The following ENPP1 variants were observed in gnomAD, a reference collection of about 807,000 sequenced individuals.
ENPP1 encodes the protein ectonucleotide pyrophosphatase/phosphodiesterase family member 1.
ENPP1 carries 73 observed loss-of-function variants against 122.8 expected under a neutral mutation model. The observed-to-expected ratio is 0.59, with a 90% CI of 0.49 to 0.72. The LOEUF (loss-of-function observed/expected upper bound fraction) is 0.72. Among genes scored for constraint, ENPP1 ranks in the 30% least tolerant of loss-of-function variants. The pLI is 0.00. For synonymous variants in ENPP1, 367 were observed against 391.6 expected, an observed-to-expected ratio of 0.94 and a Z score of 0.74; for missense variants, 978 against 1,128.1, an observed-to-expected ratio of 0.87 and a Z score of 1.91.
intron 18 of ENPP1, 28 bp downstream of exon 18, chr6:131,877,189 G>C (rs755930022): frequency 9.3e-6 from 15 of 1,607,290 alleles, no homozygotes; most frequent in African/African-American, 1.3e-5. Context: ...GTTTGGTCCA[G>C]TATGTATGGT....
At chr6:131,886,926 C>CTTTTTTTTTTTTTTTTTTTTTTTTTTTT (rs60409660) in intron 24 of ENPP1, among the ~76,000 whole-genome samples, 1 of 110,638 alleles carries the variant, frequency 9.0e-6, no homozygotes, top group Non-Finnish European at 1.9e-5. Context: ...TTACTTTTTT[C>CTTTTTTTTTTTTTTTTTTTTTTTTTTTT]TTTTTTTTTT....
intron 1 of ENPP1, among the ~76,000 whole-genome samples, chr6:131,813,611 C>T (rs9493103): frequency 0.65 from 98,332 of 151,932 alleles, 32,318 homozygotes; most frequent in East Asian, 0.81. Context: ...CTTAACCCTC[C>T]CCTTGCATAC....
chr6:131,835,032 A>G (rs1431276503), intron 1 of ENPP1, among the ~76,000 whole-genome samples: 1 of 152,238 alleles, frequency 6.6e-6, no homozygotes, highest in African/African-American at 2.4e-5. Context: ...GACATAAATA[A>G]TGTAACTTTC....
intron 11 of ENPP1, among the ~76,000 whole-genome samples, chr6:131,867,707 C>G (rs889902042): frequency 6.6e-6 from 1 of 152,166 alleles, no homozygotes; most frequent in Non-Finnish European, 1.5e-5. Flanking sequence ...TAGTAGCATT[C>G]TGACCTCAGG....
intron 20 of ENPP1, among the ~76,000 whole-genome samples, chr6:131,881,985 T>G (rs957771577): frequency 2.0e-5 from 3 of 151,940 alleles, no homozygotes; most frequent in Non-Finnish European, 4.4e-5. Context: ...GCCGCTGCCC[T>G]CTAGTCTGGG....
At chr6:131,866,862 G>A (rs1348060506) in intron 11 of ENPP1, among the ~76,000 whole-genome samples, 2 of 152,226 alleles carry the variant, frequency 1.3e-5, no homozygotes, top group Non-Finnish European at 2.9e-5. Flanking sequence ...CTACATGCTA[G>A]TGTGATTTTT....
rs1251964761 is a variant in ENPP1, at chr6:131,891,584, TTAAC to T, written c.*1075_*1078del. The T allele has an allele frequency of 1.3e-5, 2 of 152,216 alleles. No individual in the cohort carries two copies. Among genetic ancestry groups the T allele is most frequent in the African/African-American group, 4.8e-5 (2 of 41,450 alleles). The allele number at this position is 152,216 out of a possible 1,614,324, so 9.4% of individuals were successfully genotyped here. A position where few individuals can be genotyped will look rare whatever the true frequency, so the allele number is the denominator to read the frequency against. On this transcript the variant is annotated 3_prime_UTR_variant, in exon 25 of 25. Transcript: ENST00000647893. ...TACCTGTGAACCTTCAAAGACTGCA[TTAAC>T]TTTTAGGCTACATAGGTCCAATTGA...
intron 1 of ENPP1, among the ~76,000 whole-genome samples, chr6:131,814,724 C>T (rs1356887448): frequency 6.6e-6 from 1 of 152,122 alleles, no homozygotes; most frequent in Non-Finnish European, 1.5e-5. Flanking sequence ...ATCTGTCCAG[C>T]CATAGTTGAA....
chr6:131,851,950 G>A (rs1781887604), intron 4 of ENPP1, among the ~76,000 whole-genome samples: 2 of 152,082 alleles, frequency 1.3e-5, no homozygotes, highest in Non-Finnish European at 2.9e-5. Context: ...GTATGTTTTA[G>A]TCTTACAATT....
chr6:131,873,922 A>C (rs1782195206), intron 15 of ENPP1, among the ~76,000 whole-genome samples: 1 of 152,160 alleles, frequency 6.6e-6, no homozygotes, highest in African/African-American at 2.4e-5. Flanking sequence ...AGGCTATATC[A>C]TTGAATTTTT....
At chr6:131,815,194 C>T (rs145601880) in intron 1 of ENPP1, among the ~76,000 whole-genome samples, 1 of 152,186 alleles carries the variant, frequency 6.6e-6, no homozygotes, top group Admixed American at 6.5e-5. Flanking sequence ...TCTGTGATAA[C>T]GTGGATTCAG....
chr6:131,846,741 A>G (rs893217745), intron 1 of ENPP1, among the ~76,000 whole-genome samples: 1 of 152,082 alleles, frequency 6.6e-6, no homozygotes, highest in African/African-American at 2.4e-5. Flanking sequence ...CTCAATTAAT[A>G]TTTTATTGAG....
intron 1 of ENPP1, among the ~76,000 whole-genome samples, chr6:131,833,202 T>A (rs1781634953): frequency 6.6e-6 from 1 of 152,222 alleles, no homozygotes; most frequent in African/African-American, 2.4e-5. Context: ...TATTTCTCCT[T>A]ATGTGCTTGT....
chr6:131,840,665 A>G (rs1389570977), intron 1 of ENPP1, among the ~76,000 whole-genome samples: 1 of 152,212 alleles, frequency 6.6e-6, no homozygotes, highest in African/African-American at 2.4e-5. Flanking sequence ...AACATTCCCT[A>G]CTTTCACAGC....
intron 1 of ENPP1, among the ~76,000 whole-genome samples, chr6:131,842,477 T>C (rs858345): frequency 0.48 from 73,164 of 151,952 alleles, 18,430 homozygotes; most frequent in African/African-American, 0.63. Flanking sequence ...AGGACTTCAC[T>C]GCAAATTATT....
intron 17 of ENPP1, 76 bp from the exon 18 acceptor site, chr6:131,876,916 T>A: frequency 7.0e-7 from 1 of 1,421,854 alleles, no homozygotes; most frequent in Admixed American, 1.7e-5. Context: ...TTTAAAAAAG[T>A]AAAGATCATG....
intron 16 of ENPP1, 116 bp downstream of exon 16, chr6:131,874,453 A>C (rs971734642): frequency 1.3e-5 from 9 of 668,522 alleles, no homozygotes; most frequent in African/African-American, 3.9e-5. Context: ...AATGGAACAT[A>C]CTTTCATAAA....
chr6:131,851,094 A>G (rs780271011), intron 3 of ENPP1, 48 bp from the exon 4 acceptor site: 10 of 1,606,122 alleles, frequency 6.2e-6, no homozygotes, highest in Admixed American at 5.0e-5. Context: ...CACTTTGGAC[A>G]TGTTGAATTT....
chr6:131,877,032 T>C lies in ENPP1; in HGVS notation c.1764T>C (p.His588=), dbSNP rs1278637238. 1.2e-6 allele frequency: 2 copies of C among 1,614,024 alleles called. No homozygotes were observed. The highest frequency in any genetic ancestry group is 1.7e-5 in the Admixed American group (1 of 60,006). The stretch of plus-strand genomic sequence containing the variant: ...CACCGGCTCCTAATAACGGAACTCA[T>C]GGAAGTCTTAACCACCTTCTAAAGA... The part of the protein sequence containing the change: ...NLTPAPNNGT[H]GSLNHLLKNP... The change falls in exon 18 of 25, where the codon CAT becomes CAC. Residue 588 remains histidine, a synonymous_variant. Coordinates refer to ENST00000647893, the MANE Select transcript of ENPP1 (RefSeq NM_006208.3).
Sources: allele counts gnomAD v4.1 joint callset (sites outside exome capture counted in the v4.1 genomes callset), GRCh38; gene constraint gnomAD v4.1.1; transcripts MANE v1.5; gene names NCBI Gene and HGNC (gene_info 2026-07-23, HGNC 2026-07-21).